The following APBB2 variants were observed in gnomAD, a reference collection of about 807,000 sequenced individuals.
APBB2 encodes the protein Fe65-like 1.
Under a neutral mutation model 82.5 loss-of-function variants are expected in APBB2, and 38 were observed. That is an observed-to-expected ratio of 0.46 (90% CI 0.36 to 0.60). The LOEUF (loss-of-function observed/expected upper bound fraction) is 0.60. Ranked by LOEUF, APBB2 falls within the 20% of genes least tolerant of loss-of-function variation. The probability of loss-of-function intolerance (pLI) is 0.00; values close to 1 mark genes in which losing one functional copy is unlikely to be tolerated. For synonymous variants in APBB2, 341 were observed against 368.2 expected (o/e 0.93, Z 0.85); for missense variants, 772 against 972.3 (o/e 0.79, Z 2.74).
intron 2 of APBB2, among the ~76,000 whole-genome samples, chr4:41,105,401 T>C (rs1338009881): frequency 1.3e-5 from 2 of 152,302 alleles, no homozygotes; most frequent in Admixed American, 6.5e-5. Context: ...AATTATGCTA[T>C]TATATATAAA....
chr4:41,123,878 G>A (rs1753615727), intron 2 of APBB2, among the ~76,000 whole-genome samples: 1 of 152,090 alleles, frequency 6.6e-6, no homozygotes, highest in African/African-American at 2.4e-5. Flanking sequence ...AAATTTAAAC[G>A]ATTGCTTAAA....
At chr4:41,121,237 T>C (rs1307244503) in intron 2 of APBB2, among the ~76,000 whole-genome samples, 6 of 152,208 alleles carry the variant, frequency 3.9e-5, no homozygotes, top group Admixed American at 1.3e-4. Context: ...TTTTAAAAAA[T>C]AAAATGTTTA....
At chr4:40,979,002 G>GCCCTA (rs1447838516) in intron 6 of APBB2, among the ~76,000 whole-genome samples, 22 of 152,054 alleles carry the variant, frequency 1.4e-4, no homozygotes, top group African/African-American at 5.3e-4. Flanking sequence ...GGAGCCAAAG[G>GCCCTA]ATTCTCAGCC....
chr4:40,930,157 AAT>A (rs1783717506), intron 10 of APBB2, among the ~76,000 whole-genome samples: 2 of 152,208 alleles, frequency 1.3e-5, no homozygotes, highest in Non-Finnish European at 2.9e-5. Flanking sequence ...TATCAATATT[AAT>A]GTCTTAGTTT....
intron 3 of APBB2, among the ~76,000 whole-genome samples, chr4:41,080,747 G>C (rs1170784173): frequency 2.8e-5 from 4 of 144,970 alleles, no homozygotes; most frequent in Non-Finnish European, 4.5e-5. Flanking sequence ...TTGTTGCCCA[G>C]GCTGGAGTGC....
chr4:41,034,707 A>G (rs144436073), intron 4 of APBB2, among the ~76,000 whole-genome samples: 11 of 152,390 alleles, frequency 7.2e-5, no homozygotes, highest in African/African-American at 2.2e-4. Flanking sequence ...ATTTTTAAAA[A>G]GCGTACACAT....
intron 1 of APBB2, among the ~76,000 whole-genome samples, chr4:41,197,755 A>G: frequency 6.6e-6 from 1 of 151,882 alleles, no homozygotes; most frequent in Non-Finnish European, 1.5e-5. Flanking sequence ...ATTTAATCAC[A>G]CTCTTCTTTC....
At chr4:41,016,954 T>C (rs10015459) in intron 5 of APBB2, among the ~76,000 whole-genome samples, 99,699 of 151,842 alleles carry the variant, frequency 0.66, 35,263 homozygotes, top group East Asian at 0.89. Context: ...GGAGTACAAG[T>C]GGCAGGAGCA....
At chr4:40,988,858 C>T (rs1316839267) in intron 6 of APBB2, among the ~76,000 whole-genome samples, 4 of 151,234 alleles carry the variant, frequency 2.6e-5, no homozygotes, top group African/African-American at 7.3e-5. Context: ...CTCCGCTTCC[C>T]GGGTTCAAGC....
chr4:40,955,575 C>T lies in APBB2; in HGVS notation c.836-10502G>A, dbSNP rs565301628. Among the ~76,000 whole-genome samples the T allele has an allele frequency of 5.9e-5, 9 of 152,280 alleles. 1 individual carries two copies. Among genetic ancestry groups the T allele is most frequent in the African/African-American group, 2.2e-4 (9 of 41,558 alleles). ...CTCTTTGGAGCAATGTTATTCTCGA[C>T]GGAGCTTAACGCTTCAATCCAAACT... is the stretch of plus-strand genomic sequence containing the variant. On this transcript the variant is annotated intron_variant, in intron 6 of 17. Coordinates refer to ENST00000508593, the MANE Select transcript of APBB2 (RefSeq NM_004307.2).
intron 1 of APBB2, among the ~76,000 whole-genome samples, chr4:41,148,635 C>T (rs769258440): frequency 3.3e-5 from 5 of 152,204 alleles, no homozygotes; most frequent in Non-Finnish European, 5.9e-5. Context: ...GCTAAAGGAA[C>T]ATGCAGGCGG....
intron 1 of APBB2, among the ~76,000 whole-genome samples, chr4:41,192,327 A>G (rs1424757777): frequency 6.6e-6 from 1 of 152,230 alleles, no homozygotes; most frequent in African/African-American, 2.4e-5. Flanking sequence ...TCTCATTAAG[A>G]TATCTGCAGT....
At chr4:40,944,751 A>T in intron 7 of APBB2, 114 bp downstream of exon 7, 1 of 980,646 alleles carries the variant, frequency 1.0e-6, no homozygotes, top group South Asian at 1.5e-5. Context: ...TGCAACATGC[A>T]CAATAATCAA....
chr4:40,825,866 G>A (rs1749741136), intron 15 of APBB2, 21 bp downstream of exon 15: 1 of 1,607,600 alleles, frequency 6.2e-7, no homozygotes, highest in Non-Finnish European at 8.5e-7. Flanking sequence ...AAAGTGGAAA[G>A]ACAATAAACA....
intron 12 of APBB2, among the ~76,000 whole-genome samples, chr4:40,878,322 CAG>C (rs900725529): frequency 6.6e-6 from 1 of 152,120 alleles, no homozygotes; most frequent in African/African-American, 2.4e-5. Flanking sequence ...CCCTGGACGA[CAG>C]AGTGAGACTC....
intron 5 of APBB2, 114 bp from the exon 6 acceptor site, chr4:41,014,512 C>A: frequency 1.0e-6 from 1 of 998,920 alleles, no homozygotes; most frequent in Non-Finnish European, 1.5e-6. Flanking sequence ...ACTGCACATA[C>A]ATTCTCATAG....
chr4:40,856,670 T>A (rs1199056760), intron 12 of APBB2, among the ~76,000 whole-genome samples: 1 of 151,694 alleles, frequency 6.6e-6, no homozygotes, highest in Non-Finnish European at 1.5e-5. Context: ...GCCTCAATCA[T>A]AGAACGCTGT....
chr4:41,188,478 G>A (rs761783302), intron 1 of APBB2, among the ~76,000 whole-genome samples: 6 of 152,090 alleles, frequency 3.9e-5, no homozygotes, highest in Non-Finnish European at 7.4e-5. Context: ...TGGGATTTGT[G>A]CCCTTATAAA....
intron 1 of APBB2, among the ~76,000 whole-genome samples, chr4:41,197,769 C>T: frequency 6.6e-6 from 1 of 152,282 alleles, no homozygotes; most frequent in African/African-American, 2.4e-5. Context: ...TTCTTTCTAC[C>T]CCCATATTCT....
Sources: allele counts gnomAD v4.1 joint callset (sites outside exome capture counted in the v4.1 genomes callset), GRCh38; gene constraint gnomAD v4.1.1; transcripts MANE v1.5; gene names NCBI Gene and HGNC (gene_info 2026-07-23, HGNC 2026-07-21).